SHANK2: variants seen among roughly 807,000 people sequenced by gnomAD.
The protein encoded by SHANK2 is SH3 and multiple ankyrin repeat domains 2, also known as SH3 and multiple ankyrin repeat domains protein 2.
In SHANK2, 43 loss-of-function variants were observed where a neutral mutation model predicts 133.7. The ratio of observed to expected loss-of-function variants is 0.32; its 90% CI spans 0.25 to 0.41. The LOEUF (loss-of-function observed/expected upper bound fraction) is 0.41. Among genes scored for constraint, SHANK2 ranks in the 10% least tolerant of loss-of-function variants. SHANK2 has a pLI of 1.00. For synonymous variants in SHANK2, 1,017 were observed against 952.8 expected (o/e 1.07, Z -1.24); for missense variants, 1,994 against 2,235.8 (o/e 0.89, Z 2.18).
chr11:71,252,708 G>A (rs1948207402), upstream of SHANK2: 3 of 150,664 alleles, frequency 2.0e-5, no homozygotes, highest in African/African-American at 7.3e-5. This position sits in a 1 kb window ranked among gnomAD's most constrained non-coding sequence, Gnocchi z 6.3. Context: ...CGCCCACGCC[G>A]CGGACCTCAG....
intron 10 of SHANK2, chr11:70,933,298 T>C (rs1555082846): frequency 6.6e-6 from 3 of 454,908 alleles, no homozygotes; most frequent in African/African-American, 2.0e-5. Flanking sequence ...TAAACTTAAA[T>C]GAGCTCCCTA....
intron 11 of SHANK2, among the ~76,000 whole-genome samples, chr11:70,838,471 A>G (rs1948856771): frequency 6.6e-6 from 1 of 152,150 alleles, no homozygotes; most frequent in Admixed American, 6.5e-5. Context: ...TCAAGTAGGT[A>G]GTAAAACTAT....
intron 21 of SHANK2, among the ~76,000 whole-genome samples, chr11:70,496,383 C>T (rs140108148): frequency 6.6e-6 from 1 of 152,306 alleles, no homozygotes; most frequent in East Asian, 1.9e-4. Context: ...GTCTGCTGCC[C>T]GGCCTCCCTG....
intron 2 of SHANK2, among the ~76,000 whole-genome samples, chr11:71,168,607 G>A (rs113445079): frequency 0.25 from 37,623 of 151,862 alleles, 5,102 homozygotes; most frequent in African/African-American, 0.34. Context: ...CGGATCACTC[G>A]CAGTTAGGAG....
intron 14 of SHANK2, among the ~76,000 whole-genome samples, chr11:70,710,397 G>A (rs1479950976): frequency 6.6e-6 from 1 of 152,206 alleles, no homozygotes; most frequent in Non-Finnish European, 1.5e-5. Context: ...TGGGGTAGGA[G>A]GGAAGCTTAA....
At chr11:70,755,950 T>C (rs899874127) in intron 14 of SHANK2, among the ~76,000 whole-genome samples, 5 of 152,122 alleles carry the variant, frequency 3.3e-5, no homozygotes, top group Non-Finnish European at 7.4e-5. Context: ...CTCCCAGCTG[T>C]GCCTGTGCAG....
At chr11:71,239,983 C>G (rs577031606) in intron 1 of SHANK2, among the ~76,000 whole-genome samples, 8 of 152,256 alleles carry the variant, frequency 5.3e-5, no homozygotes, top group Non-Finnish European at 1.2e-4. Flanking sequence ...CAGGCAGTGG[C>G]CAGAAAGCCG....
intron 14 of SHANK2, among the ~76,000 whole-genome samples, chr11:70,703,394 C>G (rs935521176): frequency 6.6e-6 from 1 of 152,130 alleles, no homozygotes; most frequent in South Asian, 2.1e-4. Flanking sequence ...CTTCTTAACT[C>G]TGCCACATCC....
intron 2 of SHANK2, among the ~76,000 whole-genome samples, chr11:71,190,464 G>A (rs1466217509): frequency 6.6e-6 from 1 of 152,202 alleles, no homozygotes; most frequent in Non-Finnish European, 1.5e-5. Context: ...CCTGCAATGG[G>A]AGAAAGGGAC....
intron 11 of SHANK2, among the ~76,000 whole-genome samples, chr11:70,850,257 A>T (rs1392527629): frequency 6.6e-6 from 1 of 152,138 alleles, no homozygotes; most frequent in Non-Finnish European, 1.5e-5. Flanking sequence ...GAAGCCAAAC[A>T]ACATGTCCAA....
intron 1 of SHANK2, among the ~76,000 whole-genome samples, chr11:71,247,422 A>G (rs1954975530): frequency 6.6e-6 from 1 of 152,122 alleles, no homozygotes; most frequent in African/African-American, 2.4e-5. Context: ...GCTTTGCTGG[A>G]TATTTGAATT....
At chr11:70,833,461 A>C (rs1220675210) in intron 11 of SHANK2, among the ~76,000 whole-genome samples, 1 of 152,248 alleles carries the variant, frequency 6.6e-6, no homozygotes, top group Non-Finnish European at 1.5e-5. Flanking sequence ...AGAGCTGGGC[A>C]TGCGACATCT....
At chr11:70,596,653 G>A (rs1230567960) in intron 17 of SHANK2, among the ~76,000 whole-genome samples, 1 of 152,240 alleles carries the variant, frequency 6.6e-6, no homozygotes, top group African/African-American at 2.4e-5. Flanking sequence ...GCAGGGACTG[G>A]TGGCTGCCCC....
At chr11:70,517,090 A>G (rs1554970266) in intron 17 of SHANK2, among the ~76,000 whole-genome samples, 1 of 152,162 alleles carries the variant, frequency 6.6e-6, no homozygotes, top group South Asian at 2.1e-4. Flanking sequence ...TGAATAGACA[A>G]CTCACCAAAG....
At chr11:70,705,694 G>C (rs1412169482) in intron 14 of SHANK2, 1 of 152,202 alleles carries the variant, frequency 6.6e-6, no homozygotes, top group African/African-American at 2.4e-5. Flanking sequence ...TCAAAACCAA[G>C]CTTCCAACCA....
intron 17 of SHANK2, among the ~76,000 whole-genome samples, chr11:70,597,707 T>C (rs1214291181): frequency 6.6e-6 from 1 of 152,146 alleles, no homozygotes; most frequent in African/African-American, 2.4e-5. Flanking sequence ...ACCTCATCCC[T>C]ACTAAAAATA....
chr11:70,898,284 A>ACACG (rs1224664369), intron 10 of SHANK2, among the ~76,000 whole-genome samples: 12 of 135,568 alleles, frequency 8.9e-5, no homozygotes, highest in African/African-American at 3.3e-4. Context: ...ACACACACGC[A>ACACG]CACACACACA....
At chr11:70,782,476 C>A (rs1407598444) in intron 14 of SHANK2, among the ~76,000 whole-genome samples, 2 of 152,214 alleles carry the variant, frequency 1.3e-5, no homozygotes, top group Non-Finnish European at 2.9e-5. Flanking sequence ...GTCGAGCTGC[C>A]CTGCTGTCTG....
chr11:70,496,978 C>CTGTT, intron 21 of SHANK2: 1 of 456,708 alleles, frequency 2.2e-6, no homozygotes, highest in Non-Finnish European at 4.4e-6. Context: ...CATCTGGTCT[C>CTGTT]TGTTTTAAAC....
Sources: gnomAD v4.1 joint callset for allele counts (sites outside exome capture counted in the v4.1 genomes callset) on GRCh38, gnomAD v4.1.1 for gene constraint, Gnocchi (gnomAD v3.1) non-coding constraint, MANE v1.5 for transcripts, NCBI Gene and HGNC (gene_info 2026-07-23, HGNC 2026-07-21) for gene names.